NOTCH2NLC: variants seen among roughly 807,000 people sequenced by gnomAD.
NOTCH2NLC encodes the protein notch 2 N-terminal like C.
In NOTCH2NLC, 4 loss-of-function variants were observed where a neutral mutation model predicts 17.7. The ratio of observed to expected loss-of-function variants is 0.23; its 90% confidence interval spans 0.11 to 0.52. The LOEUF (loss-of-function observed/expected upper bound fraction) is 0.52. Among genes scored for constraint, NOTCH2NLC ranks in the 20% least tolerant of loss-of-function variants. The pLI, the probability that NOTCH2NLC is intolerant of heterozygous loss-of-function variation, is 0.96. For missense variants in NOTCH2NLC, 57 were observed against 207.2 expected, an observed-to-expected ratio of 0.28 and a Z score of 4.45; for synonymous variants, 18 against 86.0, an observed-to-expected ratio of 0.21 and a Z score of 4.38.
chr1:149,416,681 G>A (rs1220963830), intron 1 of NOTCH2NLC, among the ~76,000 whole-genome samples: 2 of 144,016 alleles, frequency 1.4e-5, no homozygotes, highest in African/African-American at 2.5e-5. Context: ...TATCTTGTCA[G>A]TGTCAATTTT....
In NOTCH2NLC at chr1:149,448,666, A is replaced by C. The variant is rs1309229377; in HGVS notation, c.210-6652A>C. Among the ~76,000 whole-genome samples the C allele has an allele frequency of 2.0e-5, 3 of 151,008 alleles. 1 individual carries two copies. Among genetic ancestry groups the C allele is most frequent in the Admixed American group, 2.0e-4 (3 of 15,130 alleles). On this transcript the variant is annotated intron_variant, in intron 2 of 4. Coordinates refer to ENST00000650865, the MANE Select transcript of NOTCH2NLC (RefSeq NM_001364013.2). The stretch of plus-strand genomic sequence containing the variant: ...GAACTTACTCTGAAATAGTAAAAGC[A>C]TAGTGTCCAGATCAGAAGGTCATGG...
At chr1:149,429,654 G>A (rs1570910472) in intron 1 of NOTCH2NLC, among the ~76,000 whole-genome samples, 1 of 151,328 alleles carries the variant, frequency 6.6e-6, no homozygotes, top group African/African-American at 2.4e-5. Flanking sequence ...GTTCTCAAAT[G>A]ATTCTACTAC....
chr1:149,430,403 G>T (rs1402948751), intron 1 of NOTCH2NLC, among the ~76,000 whole-genome samples: 1 of 138,832 alleles, frequency 7.2e-6, no homozygotes, highest in Non-Finnish European at 1.6e-5. Flanking sequence ...CTTTTTTCTG[G>T]ATCCTAATTT....
At chr1:149,415,911 T>C (rs1440496132) in intron 1 of NOTCH2NLC, among the ~76,000 whole-genome samples, 2 of 150,832 alleles carry the variant, frequency 1.3e-5, no homozygotes, top group African/African-American at 4.9e-5. Flanking sequence ...ATTTATAGGG[T>C]ATATTATTTA....
intron 1 of NOTCH2NLC, among the ~76,000 whole-genome samples, chr1:149,400,135 A>ATTT (rs2084235342): frequency 7.1e-6 from 1 of 141,838 alleles, no homozygotes; most frequent in African/African-American, 2.6e-5. Flanking sequence ...TATATATAAT[A>ATTT]TATATTTTTT....
Position 149,400,992 on chromosome 1 carries a change from C to T in NOTCH2NLC, c.135+10070C>T, listed in dbSNP as rs1297709125. On this transcript the variant is annotated intron_variant, in intron 1 of 4. Coordinates refer to ENST00000650865, the MANE Select transcript of NOTCH2NLC (RefSeq NM_001364013.2). ...TTGATTAGTTGTAGGACAGAACTGA[C>T]TGAAGCAACCTGTTGTTTTGGCAAC... 5.3e-5 allele frequency among the ~76,000 whole-genome samples: 8 copies of T among 150,158 alleles called. 1 individual carries two copies. The East Asian group carries it at 1.4e-3, about 26-fold the overall frequency.
intron 3 of NOTCH2NLC, among the ~76,000 whole-genome samples, chr1:149,460,365 A>C (rs2084635565): frequency 2.1e-5 from 2 of 94,118 alleles, no homozygotes; most frequent in South Asian, 7.4e-4. Flanking sequence ...TTTGAGATGG[A>C]GTATTGCTTT....
chr1:149,449,055 A>T (rs2084573894), intron 2 of NOTCH2NLC, among the ~76,000 whole-genome samples: 1 of 147,426 alleles, frequency 6.8e-6, no homozygotes, highest in African/African-American at 2.5e-5. Context: ...CTAATTTTTT[A>T]TATTTTTAGT....
intron 2 of NOTCH2NLC, among the ~76,000 whole-genome samples, chr1:149,439,943 T>A (rs1339661612): frequency 6.7e-6 from 1 of 148,432 alleles, no homozygotes; most frequent in African/African-American, 2.5e-5. Context: ...GAAAAGAGTT[T>A]TATGAAAGAA....
intron 1 of NOTCH2NLC, among the ~76,000 whole-genome samples, chr1:149,427,227 T>A (rs1349208554): frequency 6.7e-6 from 1 of 149,974 alleles, no homozygotes; most frequent in African/African-American, 2.4e-5. Flanking sequence ...ATCTCAAACA[T>A]ATACAAAAAA....
Position 149,390,802 on chromosome 1 carries a change from A to AGGCGGCGGCGGCGGTGGCGGCGGC in NOTCH2NLC, c.29_30insTGGCGGCGGCGGCGGCGGCGGCGG (p.Gly11_Gly18dup). On this transcript the variant is annotated inframe_insertion, in exon 1 of 5. Transcript: ENST00000650865. ...ACCCCCTCCCCATGTGGATCTGCCC[A>AGGCGGCGGCGGCGGTGGCGGCGGC]GGCGGCGGCGGCGGCGGCGGCGGCG... 1 of 948,688 alleles carries AGGCGGCGGCGGCGGTGGCGGCGGC rather than the reference A, an allele frequency of 1.1e-6. No homozygotes were observed. The highest frequency in any genetic ancestry group is 2.5e-5 in the South Asian group (1 of 39,642). The allele number at this position is 948,688 out of a possible 1,614,324, so 58.8% of individuals were successfully genotyped here.
chr1:149,436,966 C>T (rs2084486168), intron 2 of NOTCH2NLC, among the ~76,000 whole-genome samples: 1 of 122,960 alleles, frequency 8.1e-6, no homozygotes, highest in Non-Finnish European at 1.7e-5. Flanking sequence ...TTATTGCATG[C>T]TATTTATGCG....
rs2084719495 is a variant in NOTCH2NLC at position 149,471,530 on chromosome 1, G to A, written c.*7377G>A. Among the ~76,000 whole-genome samples, 1 of 150,418 alleles carries A rather than the reference G, an allele frequency of 6.6e-6. No homozygotes were observed. The highest frequency in any genetic ancestry group is 6.7e-5 in the Admixed American group (1 of 15,020). Reference sequence around the variant, plus strand: ...TGATTCTTTTACATGTGGATATTTAGTTGTCCCAGGACCATTTGTTGAATT... The same window carrying A: ...TGATTCTTTTACATGTGGATATTTAATTGTCCCAGGACCATTTGTTGAATT... On this transcript the variant is annotated 3_prime_UTR_variant, in exon 5 of 5. Coordinates refer to ENST00000650865, the MANE Select transcript of NOTCH2NLC (RefSeq NM_001364013.2).
chr1:149,430,562 C>G, intron 1 of NOTCH2NLC, among the ~76,000 whole-genome samples: 1 of 143,102 alleles, frequency 7.0e-6, no homozygotes, highest in Non-Finnish European at 1.5e-5. Flanking sequence ...ATTTATCTAG[C>G]ATTTTCCTAA....
At chr1:149,437,768 C>T (rs2084491145) in intron 2 of NOTCH2NLC, among the ~76,000 whole-genome samples, 2 of 151,890 alleles carry the variant, frequency 1.3e-5, no homozygotes, top group Non-Finnish European at 2.9e-5. Context: ...CAGCTGAGGA[C>T]ATAGGTTTTT....
intron 1 of NOTCH2NLC, among the ~76,000 whole-genome samples, chr1:149,400,135 A>G (rs1253219321): frequency 1.4e-5 from 2 of 141,848 alleles, no homozygotes; most frequent in Non-Finnish European, 3.1e-5. Context: ...TATATATAAT[A>G]TATATTTTTT....
At chr1:149,452,520 CTA>C (rs1410686519) in intron 2 of NOTCH2NLC, among the ~76,000 whole-genome samples, 1 of 89,804 alleles carries the variant, frequency 1.1e-5, no homozygotes, top group African/African-American at 4.4e-5. Flanking sequence ...ATGTAAAAAA[CTA>C]TTCACAGGCC....
chr1:149,445,825 T>G (rs2084548707), intron 2 of NOTCH2NLC, among the ~76,000 whole-genome samples: 4 of 147,610 alleles, frequency 2.7e-5, no homozygotes, highest in Non-Finnish European at 6.0e-5. Context: ...AAAGCATGCC[T>G]CTCTTTTTCT....
At position 149,425,046 on chromosome 1, in the gene NOTCH2NLC, G is replaced by A. The variant is rs1455488429; in HGVS notation, c.136-5896G>A. On this transcript the variant is annotated intron_variant, in intron 1 of 4. Transcript: ENST00000650865. ...GGACAAAATAGCCAAACTGTATCAA[G>A]CACAAAGAAGATACAGAGATAGTCA... is the stretch of plus-strand genomic sequence containing the variant. Among the ~76,000 whole-genome samples the A allele has an allele frequency of 2.9e-3, 434 of 151,382 alleles. 9 individuals carry two copies. The highest frequency in any genetic ancestry group is 0.01 in the African/African-American group (421 of 41,350).
Sources: gnomAD v4.1 joint callset for allele counts (sites outside exome capture counted in the v4.1 genomes callset) on GRCh38, gnomAD v4.1.1 for gene constraint, MANE v1.5 for transcripts, NCBI Gene and HGNC (gene_info 2026-07-23, HGNC 2026-07-21) for gene names.